CDK8: variants seen among roughly 807,000 people sequenced by gnomAD.
CDK8 encodes the protein cyclin-dependent kinase 8.
In CDK8, 29 loss-of-function variants were observed where a neutral mutation model predicts 71.5. The ratio of observed to expected loss-of-function variants is 0.41; its 90% confidence interval spans 0.30 to 0.55. CDK8 has a LOEUF of 0.55. Ranked by LOEUF, CDK8 falls within the 20% of genes least tolerant of loss-of-function variation. The pLI, the probability that CDK8 is intolerant of heterozygous loss-of-function variation, is 0.37. For missense variants in CDK8, 288 were observed against 572.6 expected (o/e 0.50, Z 5.07); for synonymous variants, 161 against 192.1 (o/e 0.84, Z 1.34).
chr13:26,370,287 G>A (rs1717314192), intron 4 of CDK8, among the ~76,000 whole-genome samples: 1 of 152,190 alleles, frequency 6.6e-6, no homozygotes, highest in Admixed American at 6.5e-5. Flanking sequence ...AGATCCGGGT[G>A]AACTTAAGGT....
At chr13:26,374,202 A>G (rs982133184) in intron 4 of CDK8, among the ~76,000 whole-genome samples, 24 of 151,764 alleles carry the variant, frequency 1.6e-4, no homozygotes, top group African/African-American at 5.8e-4. Context: ...CTCCATCTCA[A>G]AAAAAAATTC....
intron 4 of CDK8, among the ~76,000 whole-genome samples, chr13:26,368,816 G>A (rs186925886): frequency 1.5e-3 from 221 of 152,160 alleles, no homozygotes; most frequent in South Asian, 4.6e-3. Flanking sequence ...CTTTTTCTGC[G>A]TCTTCTGGGA....
At chr13:26,380,334 C>A (rs1429614511) in intron 4 of CDK8, among the ~76,000 whole-genome samples, 1 of 152,068 alleles carries the variant, frequency 6.6e-6, no homozygotes, top group Admixed American at 6.5e-5. Flanking sequence ...CACGCACCAC[C>A]ACGCCCAGCT....
At chr13:26,343,298 A>G (rs1311864844) in intron 2 of CDK8, among the ~76,000 whole-genome samples, 1 of 152,120 alleles carries the variant, frequency 6.6e-6, no homozygotes, top group Non-Finnish European at 1.5e-5. Flanking sequence ...GCTATACCGA[A>G]TACTATAGGC....
At chr13:26,277,256 A>G (rs1430385306) in intron 1 of CDK8, among the ~76,000 whole-genome samples, 1 of 152,188 alleles carries the variant, frequency 6.6e-6, no homozygotes, top group East Asian at 1.9e-4. Flanking sequence ...AGACTTGCCT[A>G]TATTTGCTAG....
intron 4 of CDK8, among the ~76,000 whole-genome samples, chr13:26,370,139 AAG>A (rs1874597659): frequency 6.6e-6 from 1 of 152,244 alleles, no homozygotes; most frequent in African/African-American, 2.4e-5. Flanking sequence ...GTGTAAAAGA[AAG>A]AACATTTCCT....
In CDK8 at chr13:26,349,717, C is replaced by T. The variant is rs148072940; in HGVS notation, c.315+535C>T. 2.2e-4 allele frequency among the ~76,000 whole-genome samples: 34 copies of T among 152,114 alleles called. No individual in the cohort carries two copies. The East Asian group carries it at 5.0e-3, about 22-fold the overall frequency. On this transcript the variant is annotated intron_variant, in intron 3 of 12. Coordinates refer to ENST00000381527, the MANE Select transcript of CDK8 (RefSeq NM_001260.3). Reference sequence around the variant, plus strand: ...AATACTTTCTTGCCTTTTTTAACAACGTTTTTCTGAGGAACAATCTTGTAT... The same window carrying T: ...AATACTTTCTTGCCTTTTTTAACAATGTTTTTCTGAGGAACAATCTTGTAT...
intron 2 of CDK8, among the ~76,000 whole-genome samples, chr13:26,340,117 T>C (rs953095329): frequency 3.3e-5 from 5 of 152,170 alleles, no homozygotes; most frequent in African/African-American, 4.8e-5. Context: ...ATAAATGATA[T>C]TGAATTTTAT....
intron 4 of CDK8, among the ~76,000 whole-genome samples, chr13:26,371,525 G>A (rs1874683715): frequency 6.6e-6 from 1 of 152,150 alleles, no homozygotes. Context: ...GAAACATATT[G>A]TAGCAGAAGG....
intron 1 of CDK8, among the ~76,000 whole-genome samples, chr13:26,277,090 G>A (rs1227490801): frequency 6.6e-6 from 1 of 152,122 alleles, no homozygotes; most frequent in African/African-American, 2.4e-5. Context: ...AAACAATGCA[G>A]CTCTGTGTGC....
intron 4 of CDK8, among the ~76,000 whole-genome samples, chr13:26,358,254 G>A (rs769844196): frequency 7.9e-5 from 12 of 152,044 alleles, no homozygotes; most frequent in African/African-American, 2.2e-4. Flanking sequence ...AGCTGGGATC[G>A]CGCCACTGCA....
chr13:26,396,102 A>C (rs1382381207), intron 7 of CDK8, 183 bp from the exon 8 acceptor site: 1 of 315,844 alleles, frequency 3.2e-6, no homozygotes, highest in African/African-American at 2.1e-5. Flanking sequence ...AAAGTTATAT[A>C]AGGGATAAGG....
chr13:26,263,815 C>T (rs1371112803), intron 1 of CDK8, among the ~76,000 whole-genome samples: 1 of 148,384 alleles, frequency 6.7e-6, no homozygotes, highest in African/African-American at 2.5e-5. Context: ...GGCACGATCT[C>T]GGCTCACTGC....
chr13:26,315,115 A>G (rs1273166492), intron 1 of CDK8, among the ~76,000 whole-genome samples: 1 of 152,026 alleles, frequency 6.6e-6, no homozygotes, highest in Non-Finnish European at 1.5e-5. Context: ...CTGCTTTTCT[A>G]TAGTCTGTTG....
chr13:26,304,200 G>A (rs1443300866), intron 1 of CDK8, among the ~76,000 whole-genome samples: 1 of 151,106 alleles, frequency 6.6e-6, no homozygotes, highest in Non-Finnish European at 1.5e-5. Context: ...GGAGGCAGAG[G>A]TTGCAGTGAG....
At position 26,401,612 on chromosome 13, in the gene CDK8, C is replaced by G. The variant is rs1475257838; in HGVS notation, c.1257C>G (p.Thr419=). The G allele has an allele frequency of 6.2e-7, 1 of 1,614,086 alleles. No homozygotes were observed. ...CTACCTCAGGTGGACTTATCATGAC[C>G]TCAGACTATCAGGTATTCCAAGTTT... ...PTTTSGGLIM[T]SDYQRSNPHA... is the part of the protein sequence containing the mutation. Residue 419 remains threonine, a synonymous_variant, in exon 12 of 13, where the codon ACC becomes ACG. Transcript: ENST00000381527. This position sits in a 1 kb window ranked among gnomAD's most constrained non-coding sequence, Gnocchi z 4.5.
In CDK8 at chr13:26,270,289, TGAG is replaced by T. The variant is rs59497169; in HGVS notation, c.128+15522_128+15524del. On this transcript the variant is annotated intron_variant, in intron 1 of 12. Coordinates refer to ENST00000381527, the MANE Select transcript of CDK8 (RefSeq NM_001260.3). Reference sequence around the variant, plus strand: ...CTGTAATCCTAGCTACTCAAGAGGCTGAGGCAGGAGAATCATTTGAACCCAGGA... The same window carrying T: ...CTGTAATCCTAGCTACTCAAGAGGCTGCAGGAGAATCATTTGAACCCAGGA... 8.0e-3 allele frequency among the ~76,000 whole-genome samples: 1,210 copies of T among 151,682 alleles called. 24 individuals carry two copies. Among genetic ancestry groups the T allele is most frequent in the African/African-American group, 0.026 (1,088 of 41,306 alleles).
intron 1 of CDK8, among the ~76,000 whole-genome samples, chr13:26,283,689 G>A (rs1426760223): frequency 2.6e-5 from 4 of 152,178 alleles, no homozygotes; most frequent in South Asian, 4.1e-4. Context: ...CACAAGGTCA[G>A]GAGTTTGAGA....
chr13:26,275,468 A>C (rs1244975372), intron 1 of CDK8, among the ~76,000 whole-genome samples: 1 of 152,202 alleles, frequency 6.6e-6, no homozygotes, highest in Middle Eastern at 3.2e-3. Flanking sequence ...TGCCTACTAC[A>C]AGGTATTCTA....
Sources: allele counts gnomAD v4.1 joint callset (sites outside exome capture counted in the v4.1 genomes callset), GRCh38; gene constraint gnomAD v4.1.1; non-coding constraint Gnocchi (gnomAD v3.1); transcripts MANE v1.5; gene names NCBI Gene and HGNC (gene_info 2026-07-23, HGNC 2026-07-21).